LTBP2: variants seen among roughly 807,000 people sequenced by gnomAD.
LTBP2 encodes latent transforming growth factor beta binding protein 2, also known as latent-transforming growth factor beta-binding protein 2.
LTBP2 carries 103 observed loss-of-function variants against 210.6 expected under a neutral mutation model. The observed-to-expected ratio is 0.49, with a 90% confidence interval of 0.42 to 0.58. The LOEUF (loss-of-function observed/expected upper bound fraction) is 0.58. Among genes scored for constraint, LTBP2 ranks in the 20% least tolerant of loss-of-function variants. The probability of loss-of-function intolerance (pLI) is 0.00; values close to 1 mark genes in which losing one functional copy is unlikely to be tolerated. For missense variants in LTBP2, 2,313 were observed against 2,494.5 expected, an observed-to-expected ratio of 0.93 and a Z score of 1.55; for synonymous variants, 1,007 against 1,015.0, an observed-to-expected ratio of 0.99 and a Z score of 0.15.
At chr14:74,609,094 CACAAGGCAATG>C (rs1179908939) in intron 1 of LTBP2, among the ~76,000 whole-genome samples, 5 of 152,174 alleles carry the variant, frequency 3.3e-5, no homozygotes, top group Non-Finnish European at 7.3e-5. Context: ...GTCTGCAGCT[CACAAGGCAATG>C]AATGGCCAAC....
chr14:74,518,205 T>G (rs539316814), intron 17 of LTBP2, among the ~76,000 whole-genome samples: 283 of 152,316 alleles, frequency 1.9e-3, no homozygotes, highest in Admixed American at 3.3e-3. Context: ...CACAGAGTCC[T>G]TGTGCAGATT....
intron 15 of LTBP2, 25 bp downstream of exon 15, chr14:74,525,099 G>GC (rs755521247): frequency 7.9e-7 from 1 of 1,258,900 alleles, no homozygotes; most frequent in Non-Finnish European, 1.0e-6. Context: ...GGTGCAGGGA[G>GC]CCCCAAAGGT....
chr14:74,577,139 C>G (rs745421952), intron 3 of LTBP2, among the ~76,000 whole-genome samples: 7 of 151,160 alleles, frequency 4.6e-5, no homozygotes, highest in Middle Eastern at 3.2e-3. Flanking sequence ...ACCCAAGGAG[C>G]AATTTTGGGA....
intron 2 of LTBP2, among the ~76,000 whole-genome samples, chr14:74,598,717 C>A (rs780411071): frequency 6.6e-6 from 1 of 152,190 alleles, no homozygotes; most frequent in Non-Finnish European, 1.5e-5. Flanking sequence ...CTTTAAGCAG[C>A]CTGCCCATAG....
At chr14:74,561,215 G>A (rs1467137521) in intron 3 of LTBP2, among the ~76,000 whole-genome samples, 1 of 152,126 alleles carries the variant, frequency 6.6e-6, no homozygotes, top group Admixed American at 6.5e-5. Flanking sequence ...CTACTCAGGA[G>A]GCTGAGGCAG....
intron 1 of LTBP2, among the ~76,000 whole-genome samples, chr14:74,609,885 T>A (rs930542882): frequency 6.6e-6 from 1 of 152,228 alleles, no homozygotes; most frequent in Non-Finnish European, 1.5e-5. Context: ...GCACGCAGGA[T>A]CCTTGGAAGC....
At chr14:74,515,989 C>T (rs1359368898) in intron 18 of LTBP2, among the ~76,000 whole-genome samples, 2 of 152,210 alleles carry the variant, frequency 1.3e-5, no homozygotes, top group African/African-American at 4.8e-5. Flanking sequence ...GGAAGCTGTC[C>T]TTTCACAAAG....
chr14:74,583,844 T>C (rs2088169007), intron 3 of LTBP2, among the ~76,000 whole-genome samples: 2 of 152,152 alleles, frequency 1.3e-5, no homozygotes, highest in Admixed American at 6.5e-5. Flanking sequence ...CCTGGTCCAG[T>C]GAGCAAATGG....
At chr14:74,587,066 A>G (rs1179454624) in intron 2 of LTBP2, among the ~76,000 whole-genome samples, 1 of 152,180 alleles carries the variant, frequency 6.6e-6, no homozygotes, top group Non-Finnish European at 1.5e-5. Context: ...TGCAAAGTCC[A>G]GAGCCACATC....
At chr14:74,505,226 T>C (rs1395477161) in intron 28 of LTBP2, 52 bp from the exon 29 acceptor site, 2 of 1,577,810 alleles carry the variant, frequency 1.3e-6, no homozygotes, top group East Asian at 4.5e-5. Context: ...CTAAGGGGGG[T>C]CAATAGTCCT....
At chr14:74,545,626 G>C (rs964362317) in intron 8 of LTBP2, among the ~76,000 whole-genome samples, 5 of 152,258 alleles carry the variant, frequency 3.3e-5, no homozygotes, top group Non-Finnish European at 5.9e-5. Flanking sequence ...CCAGTGCCAA[G>C]CCAGATGGGG....
chr14:74,528,782 A>G (rs1466470588), intron 11 of LTBP2, 84 bp from the exon 12 acceptor site: 6 of 1,552,286 alleles, frequency 3.9e-6, no homozygotes, highest in African/African-American at 1.4e-5. Flanking sequence ...CCTTTGGGAG[A>G]CACGGCAATT....
At chr14:74,517,665 A>G (rs862045) in intron 17 of LTBP2, among the ~76,000 whole-genome samples, 105,592 of 152,072 alleles carry the variant, frequency 0.69, 36,912 homozygotes, top group East Asian at 0.78. Flanking sequence ...GAACCACTGC[A>G]CCTGGCCTCC....
chr14:74,503,696 A>G, intron 31 of LTBP2, 90 bp from the exon 32 acceptor site: 1 of 1,552,454 alleles, frequency 6.4e-7, no homozygotes, highest in Non-Finnish European at 8.7e-7. Flanking sequence ...ACTGATAATG[A>G]AGAGTTAGTG....
intron 17 of LTBP2, among the ~76,000 whole-genome samples, chr14:74,518,623 A>G (rs1239804104): frequency 2.6e-5 from 4 of 152,258 alleles, no homozygotes; most frequent in Admixed American, 2.6e-4. Flanking sequence ...TGCCCAGCAC[A>G]GAACCCCAAT....
intron 1 of LTBP2, among the ~76,000 whole-genome samples, chr14:74,605,929 T>A (rs923920523): frequency 1.3e-5 from 2 of 151,382 alleles, no homozygotes; most frequent in African/African-American, 4.9e-5. Context: ...CCAAGGAGAG[T>A]CTCTAAGGAT....
chr14:74,607,222 C>T (rs951299164), intron 1 of LTBP2, among the ~76,000 whole-genome samples: 2 of 152,158 alleles, frequency 1.3e-5, no homozygotes, highest in African/African-American at 4.8e-5. Context: ...GTGAAAAAGG[C>T]CACGTCCTCC....
intron 2 of LTBP2, among the ~76,000 whole-genome samples, chr14:74,602,864 G>A (rs2088467534): frequency 6.6e-6 from 1 of 152,272 alleles, no homozygotes; most frequent in African/African-American, 2.4e-5. Flanking sequence ...TCCTGGTAGA[G>A]TGGCTAACAG....
chr14:74,506,691 T>C lies in LTBP2; in HGVS notation c.4033+7A>G, dbSNP rs776461539. 2 of 1,613,106 alleles carry C rather than the reference T, an allele frequency of 1.2e-6. No individual in the cohort carries two copies. The highest frequency in any genetic ancestry group is 1.7e-6 in the Non-Finnish European group (2 of 1,179,994). Reference sequence around the variant, plus strand: ...CCCAGACCTTGGGTAGCCCACAGGCTCCTCACCCACACAGTCCCAGCCTGA... The same window carrying C: ...CCCAGACCTTGGGTAGCCCACAGGCCCCTCACCCACACAGTCCCAGCCTGA... On this transcript the variant is annotated splice_region_variant and intron_variant, in intron 27 of 35. Coordinates refer to ENST00000261978, the MANE Select transcript of LTBP2 (RefSeq NM_000428.3).
Sources: allele counts gnomAD v4.1 joint callset (sites outside exome capture counted in the v4.1 genomes callset), GRCh38; gene constraint gnomAD v4.1.1; transcripts MANE v1.5; gene names NCBI Gene and HGNC (gene_info 2026-07-23, HGNC 2026-07-21).